The following PSMG4 variants were observed in gnomAD, a reference collection of about 807,000 sequenced individuals.
PSMG4 encodes proteasome (prosome, macropain) assembly chaperone 4.
A neutral mutation model predicts 11.0 loss-of-function variants in PSMG4; 10 were observed. That is an observed-to-expected ratio of 0.91 (90% confidence interval 0.56 to 1.54). The LOEUF is 1.54. Ranked by LOEUF, PSMG4 falls within the 40% of genes most tolerant of loss-of-function variation. The pLI is 0.00. For synonymous variants in PSMG4, 95 were observed against 71.3 expected (o/e 1.33, Z -1.68); for missense variants, 198 against 160.9 (o/e 1.23, Z -1.25).
chr6:3,256,590 C>G (rs929366277), upstream of PSMG4, among the ~76,000 whole-genome samples: 4 of 152,024 alleles, frequency 2.6e-5, no homozygotes, highest in African/African-American at 4.8e-5. Context: ...GGGTTCCAGG[C>G]CCAGGCATCA....
upstream of PSMG4, among the ~76,000 whole-genome samples, chr6:3,254,450 G>GTTT (rs1561835615): frequency 1.5e-5 from 1 of 67,914 alleles, no homozygotes; most frequent in Admixed American, 1.6e-4. Flanking sequence ...ATAGTTTTCT[G>GTTT]CTTTTTTTGT....
chr6:3,259,609 C>T (rs572692787), intron 1 of PSMG4, among the ~76,000 whole-genome samples: 1 of 152,082 alleles, frequency 6.6e-6, no homozygotes, highest in African/African-American at 2.4e-5. Flanking sequence ...ACATCAGGCT[C>T]TCTTCTCCAA....
In PSMG4 at chr6:3,267,907, G is replaced by A; in HGVS notation, c.*195G>A. On this transcript the variant is annotated 3_prime_UTR_variant, in exon 3 of 3. Coordinates refer to ENST00000438998, the MANE Select transcript of PSMG4 (RefSeq NM_001128591.2). ...TGGTGAAGGAGAGGCAAAGTGGGCAGTATATACTTCCTCATTTGGCTGTGA... is the reference window on the plus strand; with the variant it reads ...TGGTGAAGGAGAGGCAAAGTGGGCAATATATACTTCCTCATTTGGCTGTGA... The A allele has an allele frequency of 2.0e-6, 1 of 503,444 alleles. No individual in the cohort carries two copies. The highest frequency in any genetic ancestry group is 3.6e-6 in the Non-Finnish European group (1 of 280,756). The allele number at this position is 503,444 out of a possible 1,614,324, so 31.2% of individuals were successfully genotyped here.
intron 2 of PSMG4, chr6:3,267,299 T>G: frequency 3.8e-6 from 1 of 261,468 alleles, no homozygotes; most frequent in Non-Finnish European, 7.4e-6. Context: ...GCTTTCTGGG[T>G]CAGGAGGGCT....
chr6:3,262,598 C>A (rs1758031246), intron 1 of PSMG4, among the ~76,000 whole-genome samples: 2 of 79,942 alleles, frequency 2.5e-5, no homozygotes, highest in Non-Finnish European at 7.8e-5. Flanking sequence ...TACTGTCTGG[C>A]ACACAGTAGC....
At chr6:3,255,434 T>TG (rs779890018), upstream of PSMG4, among the ~76,000 whole-genome samples, 102 of 137,528 alleles carry the variant, frequency 7.4e-4, no homozygotes, top group Non-Finnish European at 1.3e-3. Context: ...TCCAGCCACA[T>TG]GCCCCTTCTC....
intron 2 of PSMG4, chr6:3,264,126 T>G (rs1561843396): frequency 5.2e-6 from 8 of 1,531,114 alleles, no homozygotes; most frequent in Non-Finnish European, 7.1e-6. Context: ...CTCCCGGGCC[T>G]TAGGAGGAGT....
upstream of PSMG4, chr6:3,258,865 G>C (rs1409736697): frequency 1.5e-6 from 1 of 660,732 alleles, no homozygotes; most frequent in Non-Finnish European, 2.1e-6. Context: ...ACCCAAGCCC[G>C]GGATCGCCCC....
chr6:3,264,243 T>C, intron 2 of PSMG4: 1 of 1,551,450 alleles, frequency 6.4e-7, no homozygotes, highest in Non-Finnish European at 8.7e-7. Context: ...CCTGTGAGTG[T>C]GGCGTAGAGT....
chr6:3,267,031 A>G (rs892779351), intron 2 of PSMG4: 8 of 151,220 alleles, frequency 5.3e-5, no homozygotes, highest in Non-Finnish European at 8.8e-5. Context: ...AATTTTTTGT[A>G]TTTTTAGTAG....
At chr6:3,256,632 G>C (rs1020571085), upstream of PSMG4, among the ~76,000 whole-genome samples, 2 of 152,200 alleles carry the variant, frequency 1.3e-5, no homozygotes, top group Non-Finnish European at 2.9e-5. Context: ...ACATTCAGCC[G>C]CCTGACCATC....
chr6:3,264,727 A>G (rs1414734890), intron 2 of PSMG4: 1 of 156,598 alleles, frequency 6.4e-6, no homozygotes, highest in South Asian at 2.0e-4. Flanking sequence ...TAGGAAGTAA[A>G]TTTAAAATTT....
upstream of PSMG4, among the ~76,000 whole-genome samples, chr6:3,256,176 G>A (rs770672323): frequency 8.5e-5 from 13 of 152,190 alleles, no homozygotes; most frequent in Non-Finnish European, 1.5e-4. Context: ...TTGGCTGGGG[G>A]AAGGGCAATA....
upstream of PSMG4, among the ~76,000 whole-genome samples, chr6:3,254,650 A>G (rs981400936): frequency 2.0e-5 from 3 of 152,222 alleles, no homozygotes; most frequent in Admixed American, 6.5e-5. Context: ...GAAGGCCTAC[A>G]GCTTTGTTCC....
chr6:3,258,227 C>T (rs1405759206), upstream of PSMG4, among the ~76,000 whole-genome samples: 2 of 152,216 alleles, frequency 1.3e-5, no homozygotes, highest in African/African-American at 4.8e-5. Flanking sequence ...GAGATCCTTT[C>T]CACGTCTCCG....
At chr6:3,260,291 A>ATATTTTTTTTTTTT in intron 1 of PSMG4, among the ~76,000 whole-genome samples, 8 of 70,864 alleles carry the variant, frequency 1.1e-4, no homozygotes, top group South Asian at 5.9e-4. Context: ...ATATATATAT[A>ATATTTTTTTTTTTT]TTTTTTTTTT....
chr6:3,260,291 A>ATATATATTTT, intron 1 of PSMG4, among the ~76,000 whole-genome samples: 7 of 70,866 alleles, frequency 9.9e-5, no homozygotes, highest in African/African-American at 2.7e-4. Flanking sequence ...ATATATATAT[A>ATATATATTTT]TTTTTTTTTT....
At position 3,259,224 on chromosome 6, in the gene PSMG4, G is replaced by A. The variant is rs1757872276; in HGVS notation, c.174+28G>A. On this transcript the variant is annotated intron_variant, in intron 1 of 2. Coordinates refer to ENST00000438998, the MANE Select transcript of PSMG4 (RefSeq NM_001128591.2). ...GAGTGCCTGGCGGCCGAGGGTGCGG[G>A]CGGCGGGGCGGGGGCGCGGGGGCGC... The A allele has an allele frequency of 1.3e-5, 17 of 1,265,008 alleles. No individual in the cohort carries two copies. The East Asian group carries it at 4.4e-4, about 33-fold the overall frequency. 78.4% of individuals were successfully genotyped at this position (1,265,008 alleles called of 1,614,324 possible). A position where few individuals can be genotyped will look rare whatever the true frequency, so the allele number is the denominator to read the frequency against.
At chr6:3,255,331 T>G, upstream of PSMG4, 1 of 1,485,962 alleles carries the variant, frequency 6.7e-7, no homozygotes, top group Middle Eastern at 2.5e-4. Context: ...CGGCAACTGG[T>G]GGAGTCATTC....
Sources: gnomAD v4.1 joint callset for allele counts (sites outside exome capture counted in the v4.1 genomes callset) on GRCh38, gnomAD v4.1.1 for gene constraint, MANE v1.5 for transcripts, NCBI Gene and HGNC (gene_info 2026-07-23, HGNC 2026-07-21) for gene names.